Variants in PSMB7 observed in about 807,000 individuals in gnomAD.
The protein encoded by PSMB7 is proteasome 20S subunit beta 7, also known as proteasome subunit beta type-7.
A neutral mutation model predicts 28.1 loss-of-function variants in PSMB7; 5 were observed. That is an observed-to-expected ratio of 0.18 (90% confidence interval 0.09 to 0.37). The LOEUF (loss-of-function observed/expected upper bound fraction) is 0.37, where lower values mean the gene tolerates loss of function less well. PSMB7 is among the 10% of genes least tolerant of loss of function. The pLI, the probability that PSMB7 is intolerant of heterozygous loss-of-function variation, is 1.00. For missense variants in PSMB7, 275 were observed against 346.2 expected (o/e 0.79, Z 1.63); for synonymous variants, 122 against 123.7 (o/e 0.99, Z 0.09).
chr9:124,414,386 G>A (rs1280756691), intron 2 of PSMB7, among the ~76,000 whole-genome samples: 1 of 152,142 alleles, frequency 6.6e-6, no homozygotes, highest in Non-Finnish European at 1.5e-5. Flanking sequence ...ATGTTGCACA[G>A]GTAATCATTA....
chr9:124,388,267 AG>A (rs1830745894), intron 5 of PSMB7, among the ~76,000 whole-genome samples: 1 of 152,248 alleles, frequency 6.6e-6, no homozygotes, highest in Admixed American at 6.5e-5. Flanking sequence ...CAGAAAAGCC[AG>A]GGGACAGCGT....
chr9:124,367,154 T>G (rs964549267), intron 6 of PSMB7, among the ~76,000 whole-genome samples: 3 of 151,934 alleles, frequency 2.0e-5, no homozygotes, highest in African/African-American at 7.3e-5. Context: ...GGGAGGAGGA[T>G]CAGCAGCAGA....
intron 6 of PSMB7, among the ~76,000 whole-genome samples, chr9:124,378,130 T>C (rs1830631761): frequency 1.3e-5 from 2 of 152,252 alleles, no homozygotes; most frequent in South Asian, 4.1e-4. Flanking sequence ...CTCTCAGCTT[T>C]TGGCAGCTCT....
chr9:124,366,180 A>T (rs922380866), intron 6 of PSMB7, among the ~76,000 whole-genome samples: 5 of 152,208 alleles, frequency 3.3e-5, no homozygotes, highest in Admixed American at 1.3e-4. Context: ...TGGGAGGCCA[A>T]AGCAGGAGCA....
At chr9:124,404,830 G>A (rs981336164) in intron 5 of PSMB7, among the ~76,000 whole-genome samples, 1 of 152,018 alleles carries the variant, frequency 6.6e-6, no homozygotes, top group African/African-American at 2.4e-5. Context: ...TCCAGCCTGG[G>A]CAACAGAGCA....
intron 4 of PSMB7, among the ~76,000 whole-genome samples, chr9:124,411,377 G>C (rs1831025968): frequency 6.6e-6 from 1 of 152,152 alleles, no homozygotes; most frequent in African/African-American, 2.4e-5. Flanking sequence ...CAAGCTGATG[G>C]CCTATGAGCC....
In PSMB7 at chr9:124,415,433, A is replaced by C. The variant is rs749393188; in HGVS notation, c.-8T>G. 1.2e-6 allele frequency: 2 copies of C among 1,614,066 alleles called. No individual in the cohort carries two copies. The highest frequency in any genetic ancestry group is 1.7e-5 in the Admixed American group (1 of 60,026). The stretch of plus-strand genomic sequence containing the variant: ...CACCGACACAGCCGCCATCTTCCCA[A>C]GAAAGCAGTTCCGGGTCGGAGGCGG... On this transcript the variant is annotated 5_prime_UTR_variant, in exon 1 of 8. Coordinates refer to ENST00000259457, the MANE Select transcript of PSMB7 (RefSeq NM_002799.4).
chr9:124,369,670 C>G (rs573862099), intron 6 of PSMB7, among the ~76,000 whole-genome samples: 1 of 152,178 alleles, frequency 6.6e-6, no homozygotes, highest in Admixed American at 6.5e-5. Flanking sequence ...GCTGTCCCAA[C>G]TTCCAGGACT....
At chr9:124,406,724 A>G (rs1830969607) in intron 4 of PSMB7, among the ~76,000 whole-genome samples, 1 of 152,074 alleles carries the variant, frequency 6.6e-6, no homozygotes, top group Non-Finnish European at 1.5e-5. Context: ...ACACTTCCTC[A>G]GGAACATCAC....
chr9:124,368,066 C>T (rs546172023), intron 6 of PSMB7, among the ~76,000 whole-genome samples: 16 of 152,204 alleles, frequency 1.1e-4, no homozygotes, highest in Non-Finnish European at 2.2e-4. Context: ...ACCGCCATTT[C>T]GGTGAGAAGT....
intron 5 of PSMB7, among the ~76,000 whole-genome samples, chr9:124,402,252 G>A (rs1247354156): frequency 6.6e-6 from 1 of 152,162 alleles, no homozygotes; most frequent in East Asian, 1.9e-4. Flanking sequence ...CAGACAGGAG[G>A]TCACTCTTGG....
intron 6 of PSMB7, among the ~76,000 whole-genome samples, chr9:124,371,423 A>G (rs1012607506): frequency 1.3e-5 from 2 of 152,236 alleles, no homozygotes; most frequent in African/African-American, 2.4e-5. Flanking sequence ...CTCACTTTTG[A>G]TGGTGAAATT....
intron 6 of PSMB7, among the ~76,000 whole-genome samples, chr9:124,363,699 T>C (rs1830483519): frequency 1.3e-5 from 2 of 152,154 alleles, no homozygotes; most frequent in Non-Finnish European, 2.9e-5. Flanking sequence ...CTTTCCTTGA[T>C]AGCTTTTTTT....
At chr9:124,391,016 AATC>A (rs887543217) in intron 5 of PSMB7, among the ~76,000 whole-genome samples, 3 of 152,216 alleles carry the variant, frequency 2.0e-5, no homozygotes, top group African/African-American at 7.2e-5. Context: ...TTAGAGGTAC[AATC>A]ATCTTAATAA....
chr9:124,382,868 G>T (rs1405255795), intron 6 of PSMB7, among the ~76,000 whole-genome samples: 1 of 152,092 alleles, frequency 6.6e-6, no homozygotes, highest in Non-Finnish European at 1.5e-5. Flanking sequence ...CACTTCTAAT[G>T]TACCTCATAC....
At chr9:124,410,841 G>A (rs1301622263) in intron 4 of PSMB7, among the ~76,000 whole-genome samples, 2 of 152,188 alleles carry the variant, frequency 1.3e-5, no homozygotes, top group Non-Finnish European at 2.9e-5. Context: ...GGCCCTGAAG[G>A]GAACAGTGAA....
At chr9:124,412,320 T>A (rs761328870) in intron 4 of PSMB7, 32 bp downstream of exon 4, 2 of 1,604,522 alleles carry the variant, frequency 1.2e-6, no homozygotes, top group Non-Finnish European at 1.7e-6. Context: ...GAGAAGAAGA[T>A]ACTAGTAGGA....
intron 5 of PSMB7, chr9:124,398,348 G>A (rs1830862656): frequency 5.0e-6 from 1 of 200,656 alleles, no homozygotes; most frequent in Non-Finnish European, 1.2e-5. Context: ...AAGAAAGCCA[G>A]CCCTGCACAG....
At chr9:124,361,830 T>TA (rs1271136391) in intron 6 of PSMB7, among the ~76,000 whole-genome samples, 1 of 152,222 alleles carries the variant, frequency 6.6e-6, no homozygotes, top group East Asian at 1.9e-4. Context: ...GCATCCACTA[T>TA]AGTGCAGGTC....
Sources: allele counts gnomAD v4.1 joint callset (sites outside exome capture counted in the v4.1 genomes callset), GRCh38; gene constraint gnomAD v4.1.1; transcripts MANE v1.5; gene names NCBI Gene and HGNC (gene_info 2026-07-23, HGNC 2026-07-21).